The following CPLANE1 variants were observed in gnomAD, a reference collection of about 807,000 sequenced individuals.
The protein encoded by CPLANE1 is ciliogenesis and planar polarity effector complex subunit 1, also known as ciliogenesis and planar polarity effector 1.
CPLANE1 carries 263 observed loss-of-function variants against 362.5 expected under a neutral mutation model. The ratio of observed to expected loss-of-function variants is 0.73; its 90% confidence interval spans 0.66 to 0.80. The LOEUF is 0.80. Among genes scored for constraint, CPLANE1 ranks in the 30% least tolerant of loss-of-function variants. The probability of loss-of-function intolerance (pLI) is 0.00; values close to 1 mark genes in which losing one functional copy is unlikely to be tolerated. For synonymous variants in CPLANE1, 1,212 were observed against 1,302.6 expected (o/e 0.93, Z 1.50); for missense variants, 3,461 against 3,793.4 (o/e 0.91, Z 2.30).
downstream of CPLANE1, among the ~76,000 whole-genome samples, chr5:37,105,941 G>T (rs1482917819): frequency 6.6e-6 from 1 of 152,054 alleles, no homozygotes; most frequent in Non-Finnish European, 1.5e-5. Context: ...CAGAAAAAAG[G>T]AAGTCAATAC....
chr5:37,085,727 T>A, the CPLANE1 span: 1 of 1,288,406 alleles, frequency 7.8e-7, no homozygotes, highest in South Asian at 1.2e-5. Flanking sequence ...TACTCGACTT[T>A]CCAACATTTT....
Position 37,168,924 on chromosome 5 carries a change from T to G in CPLANE1, c.7100A>C (p.Lys2367Thr). Residue 2367 changes from lysine to threonine, a missense_variant, in exon 34 of 53, where the codon AAA (lysine) becomes ACA (threonine). This residue lies in a region of CPLANE1 where 3,380 missense variants were observed against 3,666.1 expected (regional missense o/e 0.92). Transcript: ENST00000651892. ...FGLPLLYLPL[K>T]PPNMFPSTSR... is the part of the protein sequence containing the mutation. ...GGTTGATGGAAACATATTAGGAGGT[T>G]TAAGTGGCAGGTATAGTAACGGAAG... 1 of 1,614,154 alleles carries G rather than the reference T, an allele frequency of 6.2e-7. No individual in the cohort carries two copies. The highest frequency in any genetic ancestry group is 8.5e-7 in the Non-Finnish European group (1 of 1,180,020).
chr5:37,081,446 C>T, the CPLANE1 span, among the ~76,000 whole-genome samples: 34 of 151,982 alleles, frequency 2.2e-4, no homozygotes, highest in African/African-American at 7.7e-4. Context: ...GTTCAGCCTC[C>T]GGAGTAGCTG....
rs181835207 is a variant in CPLANE1 at position 37,241,963 on chromosome 5, T to C, written c.677+1050A>G. On this transcript the variant is annotated intron_variant, in intron 6 of 52. Coordinates refer to ENST00000651892, the MANE Select transcript of CPLANE1 (RefSeq NM_001384732.1). ...TTCATGTTACTTCATGTAAGTTATA[T>C]CTTAATATAAAATATAAAAATAAAA... is the stretch of plus-strand genomic sequence containing the variant. 3.3e-3 allele frequency among the ~76,000 whole-genome samples: 495 copies of C among 152,190 alleles called. 2 individuals are homozygous for C. Among genetic ancestry groups the C allele is most frequent in the Non-Finnish European group, 5.2e-3 (356 of 68,010 alleles).
intron 15 of CPLANE1, among the ~76,000 whole-genome samples, chr5:37,217,304 A>T (rs1250119500): frequency 6.6e-6 from 1 of 152,208 alleles, no homozygotes; most frequent in Non-Finnish European, 1.5e-5. Context: ...AGTTAAAAAA[A>T]TTTTCAAAGT....
At chr5:37,089,334 G>C in the CPLANE1 span, among the ~76,000 whole-genome samples, 1 of 152,064 alleles carries the variant, frequency 6.6e-6, no homozygotes, top group Admixed American at 6.6e-5. Flanking sequence ...TTCATCTTTG[G>C]GGATGGGACC....
intron 1 of CPLANE1, among the ~76,000 whole-genome samples, chr5:37,248,892 T>C (rs183576177): frequency 1.2e-3 from 177 of 152,318 alleles, no homozygotes; most frequent in African/African-American, 4.2e-3. Context: ...CGAGGAAAAT[T>C]GACGTTCTAT....
rs1384765402 is a variant in CPLANE1, at chr5:37,195,941, T to A, written c.3728A>T (p.Asn1243Ile). 1.2e-6 allele frequency: 2 copies of A among 1,612,472 alleles called. No homozygotes were observed. The highest frequency in any genetic ancestry group is 1.7e-6 in the Non-Finnish European group (2 of 1,179,386). Residue 1243 changes from asparagine to isoleucine, a missense_variant, in exon 21 of 53, where the codon AAT becomes ATT. By Grantham distance (149) the Asn-to-Ile change is moderately radical. This residue lies in a region of CPLANE1 where 3,380 missense variants were observed against 3,666.1 expected (regional missense o/e 0.92). Coordinates refer to ENST00000651892, the MANE Select transcript of CPLANE1 (RefSeq NM_001384732.1). ...SLSPFPQSLL[N>I]YCKGGIAFFR... The stretch of plus-strand genomic sequence containing the variant: ...AAATGCGATACCTCCTTTACAGTAA[T>A]TAAGTAATGACTGAGGAAAAGGACT...
rs148718660 is a variant in CPLANE1 at position 37,142,449 on chromosome 5, A to G, written c.8493T>C (p.Asp2831=). The part of the protein sequence containing the change: ...VRFLTHMDEE[D]QSDKKETSEP... The stretch of plus-strand genomic sequence containing the variant: ...CTGAAGTCTCCTTTTTGTCACTTTG[A>G]TCTTCTTCATCCATATGGGTCAAAA... Residue 2831 remains aspartate, a synonymous_variant, in exon 44 of 53, where the codon GAT becomes GAC. Transcript: ENST00000651892. 37 of 1,605,242 alleles carry G rather than the reference A, an allele frequency of 2.3e-5. No individual in the cohort carries two copies. The African/African-American group carries it at 4.4e-4, about 19-fold the overall frequency.
At chr5:37,237,879 T>C (rs755835241) in intron 8 of CPLANE1, among the ~76,000 whole-genome samples, 7 of 151,944 alleles carry the variant, frequency 4.6e-5, no homozygotes, top group African/African-American at 9.7e-5. Flanking sequence ...AGGCCTTCCT[T>C]ATATAAAGTG....
chr5:37,240,232 C>G (rs904256405), intron 6 of CPLANE1, among the ~76,000 whole-genome samples: 2 of 152,100 alleles, frequency 1.3e-5, no homozygotes, highest in African/African-American at 4.8e-5. Context: ...CACCTGTAAT[C>G]CAAGCTATTC....
intron 36 of CPLANE1, among the ~76,000 whole-genome samples, chr5:37,165,257 G>A (rs896327964): frequency 2.0e-5 from 3 of 152,162 alleles, no homozygotes; most frequent in Non-Finnish European, 4.4e-5. Flanking sequence ...ATATTAAGAT[G>A]TCATAGAAAT....
chr5:37,185,011 T>G lies in CPLANE1; in HGVS notation c.4258A>C (p.Lys1420Gln). ...GAGCCTATATTTCTCTGCACACGTTTTAGAGCTTTCACCCTCACTTTCTGG... is the reference window on the plus strand; with the variant it reads ...GAGCCTATATTTCTCTGCACACGTTGTAGAGCTTTCACCCTCACTTTCTGG... ...SIQKVRVKAL[K>Q]RVQRNIGSFE... The change falls in exon 25 of 53, where the codon AAA (lysine) becomes CAA (glutamine). Residue 1420 changes from lysine to glutamine, a missense_variant. Physicochemically the swap from Lys to Gln is moderately conservative, Grantham distance 53. Transcript: ENST00000651892. 6.2e-7 allele frequency: 1 copy of G among 1,614,124 alleles called. No individual in the cohort carries two copies. Among genetic ancestry groups the G allele is most frequent in the Non-Finnish European group, 8.5e-7 (1 of 1,179,974 alleles).
chr5:37,115,063 C>T lies in CPLANE1; in HGVS notation c.9311-14G>A, dbSNP rs1251808655. ...AAGTGGCAGTTCCTATACAGAGAGA[C>T]AAACATTATTAGCCTTCCATAGACA... On this transcript the variant is annotated splice_polypyrimidine_tract_variant and intron_variant, in intron 50 of 52. Transcript: ENST00000651892. 1 of 1,518,706 alleles carries T rather than the reference C, an allele frequency of 6.6e-7. No homozygotes were observed. The highest frequency in any genetic ancestry group is 1.7e-5 in the Admixed American group (1 of 58,968). The allele number at this position is 1,518,706 out of a possible 1,614,324, so 94.1% of individuals were successfully genotyped here.
Position 37,209,635 on chromosome 5 carries a change from T to C in CPLANE1, c.2921-3210A>G. On this transcript the variant is annotated intron_variant, in intron 16 of 52. Coordinates refer to ENST00000651892, the MANE Select transcript of CPLANE1 (RefSeq NM_001384732.1). The surrounding 1 kb of genome is among the most constrained non-coding windows in gnomAD (Gnocchi z 4.6). ...CAAAGATGTGGCTGTGAATATTCAC[T>C]TTCTGTTTTCTTTCTAGAAAGTGGT... 1.4e-6 allele frequency: 2 copies of C among 1,427,144 alleles called. No individual in the cohort carries two copies. Among genetic ancestry groups the C allele is most frequent in the Non-Finnish European group, 2.0e-6 (2 of 1,011,436 alleles). 88.4% of individuals were successfully genotyped at this position (1,427,144 alleles called of 1,614,324 possible). A position where few individuals can be genotyped will look rare whatever the true frequency, so the allele number is the denominator to read the frequency against.
At chr5:37,096,111 C>T in the CPLANE1 span, among the ~76,000 whole-genome samples, 1 of 152,124 alleles carries the variant, frequency 6.6e-6, no homozygotes, top group Non-Finnish European at 1.5e-5. Flanking sequence ...AAAGAGCCCA[C>T]ATAGCCAAAG....
the CPLANE1 span, among the ~76,000 whole-genome samples, chr5:37,077,309 T>A: frequency 6.6e-6 from 1 of 152,102 alleles, no homozygotes; most frequent in African/African-American, 2.4e-5. Context: ...GTATGCCCCT[T>A]TTTGTGCTTA....
chr5:37,098,627 G>A, the CPLANE1 span, among the ~76,000 whole-genome samples: 1 of 151,870 alleles, frequency 6.6e-6, no homozygotes, highest in East Asian at 1.9e-4. Flanking sequence ...TAGGCCATAT[G>A]TTAGGCCACA....
chr5:37,211,249 C>T (rs1367844955), intron 16 of CPLANE1: 2 of 1,503,062 alleles, frequency 1.3e-6, no homozygotes, highest in Non-Finnish European at 1.8e-6. Context: ...GAGTTTGTCG[C>T]CAATACTAAT....
Sources: allele counts gnomAD v4.1 joint callset (sites outside exome capture counted in the v4.1 genomes callset), GRCh38; gene constraint gnomAD v4.1.1; regional missense constraint gnomAD v4.1.1; non-coding constraint Gnocchi (gnomAD v3.1); transcripts MANE v1.5; gene names NCBI Gene and HGNC (gene_info 2026-07-23, HGNC 2026-07-21).